Variants in TMEFF2 observed in about 807,000 individuals in gnomAD.
TMEFF2 encodes transmembrane protein with EGF like and two follistatin like domains 2.
A neutral mutation model predicts 53.8 loss-of-function variants in TMEFF2; 28 were observed. The observed-to-expected ratio is 0.52, with a 90% CI of 0.39 to 0.71. The LOEUF is 0.71. Ranked by LOEUF, TMEFF2 falls within the 30% of genes least tolerant of loss-of-function variation. The pLI is 0.00. For synonymous variants in TMEFF2, 162 were observed against 166.3 expected (o/e 0.97, Z 0.20); for missense variants, 353 against 455.2 (o/e 0.78, Z 2.04).
At chr2:191,964,332 C>CTTT (rs1692370425) in intron 7 of TMEFF2, among the ~76,000 whole-genome samples, 2 of 103,990 alleles carry the variant, frequency 1.9e-5, no homozygotes, top group South Asian at 3.2e-4. Context: ...TCCTTTCTTT[C>CTTT]CTTCTTTCTT....
chr2:192,100,441 C>T (rs13395920), intron 4 of TMEFF2, among the ~76,000 whole-genome samples: 10,360 of 152,262 alleles, frequency 0.068, 759 homozygotes, highest in African/African-American at 0.18. Context: ...CTTCCAACTT[C>T]TGGTTACTGC....
At chr2:192,185,684 C>T (rs1019092566) in intron 2 of TMEFF2, among the ~76,000 whole-genome samples, 5 of 152,030 alleles carry the variant, frequency 3.3e-5, no homozygotes, top group Non-Finnish European at 7.4e-5. Flanking sequence ...TGTTGATAAT[C>T]TGATTGATTA....
chr2:192,140,998 G>T (rs1458231377), intron 4 of TMEFF2, among the ~76,000 whole-genome samples: 1 of 152,168 alleles, frequency 6.6e-6, no homozygotes, highest in Non-Finnish European at 1.5e-5. Flanking sequence ...ACAAAAGTGA[G>T]TGGGATGGAG....
chr2:192,112,849 GA>G (rs1689316711), intron 4 of TMEFF2, among the ~76,000 whole-genome samples: 1 of 152,122 alleles, frequency 6.6e-6, no homozygotes, highest in Admixed American at 6.6e-5. Flanking sequence ...TTTTATAAGT[GA>G]AAACCTCTTT....
At position 191,954,586 on chromosome 2, in the gene TMEFF2, C is replaced by T. The variant is rs553659221; in HGVS notation, c.870-749G>A. Among the ~76,000 whole-genome samples the T allele has an allele frequency of 3.3e-5, 5 of 152,146 alleles. No individual in the cohort carries two copies. In the South Asian group the frequency reaches 8.3e-4, roughly 25 times the overall value. ...AAAAATTAGTCTGTTTTGGATGAAA[C>T]ATTCTCTATGCCATTGTCAGAATAA... On this transcript the variant is annotated intron_variant, in intron 8 of 9. Transcript: ENST00000272771.
At chr2:192,164,572 A>G (rs1690710164) in intron 4 of TMEFF2, among the ~76,000 whole-genome samples, 1 of 152,100 alleles carries the variant, frequency 6.6e-6, no homozygotes, top group South Asian at 2.1e-4. Context: ...TACTAAAAAT[A>G]CAAAAATTAG....
intron 7 of TMEFF2, among the ~76,000 whole-genome samples, chr2:191,959,054 G>T (rs186351305): frequency 2.1e-4 from 32 of 152,154 alleles, no homozygotes; most frequent in Middle Eastern, 3.4e-3. Flanking sequence ...TGTATAGTAG[G>T]TATTAAGCAA....
At chr2:192,039,536 T>C (rs1687422115) in intron 5 of TMEFF2, among the ~76,000 whole-genome samples, 2 of 152,336 alleles carry the variant, frequency 1.3e-5, no homozygotes, top group African/African-American at 4.8e-5. Context: ...CAATTTCTTT[T>C]ATTCTTAGTA....
At chr2:192,083,732 G>A (rs1419917565) in intron 4 of TMEFF2, among the ~76,000 whole-genome samples, 1 of 150,272 alleles carries the variant, frequency 6.7e-6, no homozygotes, top group Non-Finnish European at 1.5e-5. Context: ...TATGTTCATC[G>A]TTTCTTAAAG....
At chr2:192,163,402 C>A (rs1299328930) in intron 4 of TMEFF2, among the ~76,000 whole-genome samples, 1 of 152,166 alleles carries the variant, frequency 6.6e-6, no homozygotes, top group Admixed American at 6.5e-5. Context: ...TGTAAGGCTG[C>A]AATTTGATTA....
intron 4 of TMEFF2, among the ~76,000 whole-genome samples, chr2:192,124,553 T>C (rs1689631868): frequency 6.6e-6 from 1 of 152,212 alleles, no homozygotes; most frequent in Non-Finnish European, 1.5e-5. Flanking sequence ...GAGGAATATC[T>C]GGATCCCCTA....
At chr2:192,054,503 A>G (rs1687854290) in intron 5 of TMEFF2, among the ~76,000 whole-genome samples, 1 of 152,104 alleles carries the variant, frequency 6.6e-6, no homozygotes, top group South Asian at 2.1e-4. Context: ...TTCTGGTGCC[A>G]CTATCCTTGC....
At chr2:192,089,687 C>A (rs991355225) in intron 4 of TMEFF2, among the ~76,000 whole-genome samples, 4 of 152,112 alleles carry the variant, frequency 2.6e-5, no homozygotes, top group Non-Finnish European at 5.9e-5. Flanking sequence ...ACAGTCATGT[C>A]ACCAGGCTTC....
At chr2:192,055,068 A>G (rs529236552) in intron 5 of TMEFF2, among the ~76,000 whole-genome samples, 1 of 152,296 alleles carries the variant, frequency 6.6e-6, no homozygotes, top group Non-Finnish European at 1.5e-5. Flanking sequence ...AAAGAGACTC[A>G]TGTACATTTT....
chr2:191,965,402 C>G (rs979255547), intron 7 of TMEFF2, among the ~76,000 whole-genome samples: 1 of 152,166 alleles, frequency 6.6e-6, no homozygotes, highest in Non-Finnish European at 1.5e-5. Context: ...TACTGCTACT[C>G]ACTAAAGTCA....
At chr2:191,968,062 T>G (rs927959709) in intron 7 of TMEFF2, among the ~76,000 whole-genome samples, 5 of 152,214 alleles carry the variant, frequency 3.3e-5, no homozygotes, top group Non-Finnish European at 7.3e-5. Flanking sequence ...GAGACCAATT[T>G]TTTCAAATCT....
intron 4 of TMEFF2, among the ~76,000 whole-genome samples, chr2:192,112,587 A>G (rs1244178515): frequency 6.6e-6 from 1 of 152,132 alleles, no homozygotes; most frequent in Non-Finnish European, 1.5e-5. Context: ...TTAATGCTGA[A>G]ATGAGTTAAG....
intron 5 of TMEFF2, among the ~76,000 whole-genome samples, chr2:192,046,859 G>T (rs924818319): frequency 1.3e-5 from 2 of 149,544 alleles, no homozygotes; most frequent in Non-Finnish European, 3.0e-5. Flanking sequence ...ATAATTTGAT[G>T]TTATATTTGA....
intron 8 of TMEFF2, among the ~76,000 whole-genome samples, chr2:191,954,366 A>ATAAT (rs1289366552): frequency 6.6e-6 from 1 of 152,172 alleles, no homozygotes; most frequent in Non-Finnish European, 1.5e-5. Context: ...ATTTATGATA[A>ATAAT]TAATTTCAAA....
Sources: allele counts gnomAD v4.1 joint callset (sites outside exome capture counted in the v4.1 genomes callset), GRCh38; gene constraint gnomAD v4.1.1; transcripts MANE v1.5; gene names NCBI Gene and HGNC (gene_info 2026-07-23, HGNC 2026-07-21).